Variants in OPA1 observed in about 807,000 individuals in gnomAD.
OPA1 encodes OPA1 mitochondrial dynamin like GTPase.
OPA1 carries 59 observed loss-of-function variants against 152.9 expected under a neutral mutation model. The observed-to-expected ratio is 0.39, with a 90% CI of 0.31 to 0.48. The LOEUF (loss-of-function observed/expected upper bound fraction) is 0.48. Ranked by LOEUF, OPA1 falls within the 20% of genes least tolerant of loss-of-function variation. OPA1 has a pLI of 0.96. For synonymous variants in OPA1, 400 were observed against 389.9 expected (o/e 1.03, Z -0.31); for missense variants, 1,008 against 1,216.8 (o/e 0.83, Z 2.55).
In OPA1 at chr3:193,600,019, A is replaced by G. The variant is rs781444346; in HGVS notation, c.32+6610A>G. On this transcript the variant is annotated intron_variant, in intron 1 of 30. Coordinates refer to ENST00000361510, the MANE Select transcript of OPA1 (RefSeq NM_130837.3). ...GAAGTATGGCCGCTGGGATTGGCCA[A>G]CACTCAGCTGTTATTACAGATGCAT... Among the ~76,000 whole-genome samples the G allele has an allele frequency of 6.8e-4, 103 of 152,234 alleles. 3 individuals are homozygous for G. Among genetic ancestry groups the G allele is most frequent in the Non-Finnish European group, 2.6e-4 (18 of 68,046 alleles).
At chr3:193,664,721 T>G (rs1716119869) in intron 26 of OPA1, among the ~76,000 whole-genome samples, 159 bp from the exon 27 acceptor site, 1 of 152,100 alleles carries the variant, frequency 6.6e-6, no homozygotes, top group Admixed American at 6.5e-5. Flanking sequence ...TTAAAAAAAG[T>G]AAGTGAATAA....
intron 25 of OPA1, among the ~76,000 whole-genome samples, chr3:193,661,140 T>G (rs775851099): frequency 2.0e-5 from 3 of 152,174 alleles, no homozygotes; most frequent in Non-Finnish European, 4.4e-5. Context: ...GGGAATCCCT[T>G]CAAGAGAAAG....
At chr3:193,626,373 T>C (rs1731149322) in intron 7 of OPA1, among the ~76,000 whole-genome samples, 171 bp downstream of exon 7, 1 of 152,176 alleles carries the variant, frequency 6.6e-6, no homozygotes, top group Non-Finnish European at 1.5e-5. Flanking sequence ...GAGTGGGTAG[T>C]ATAGGTAAAG....
intron 29 of OPA1, among the ~76,000 whole-genome samples, chr3:193,671,969 G>T (rs528505005): frequency 3.3e-5 from 5 of 152,242 alleles, no homozygotes; most frequent in Admixed American, 1.3e-4. Context: ...GAATTGTCTG[G>T]TGTTAAAATA....
intron 27 of OPA1, among the ~76,000 whole-genome samples, chr3:193,665,871 T>A (rs995146721): frequency 1.3e-5 from 2 of 152,190 alleles, no homozygotes; most frequent in Non-Finnish European, 2.9e-5. Context: ...TACATCACTT[T>A]ATTTTCACAC....
At chr3:193,656,332 G>A (rs1022737670) in intron 22 of OPA1, among the ~76,000 whole-genome samples, 4 of 152,120 alleles carry the variant, frequency 2.6e-5, no homozygotes, top group East Asian at 1.9e-4. Flanking sequence ...CACTCACTCC[G>A]TATTTTTGGA....
chr3:193,657,290 G>A, intron 23 of OPA1, 58 bp downstream of exon 23: 1 of 1,538,534 alleles, frequency 6.5e-7, no homozygotes, highest in Non-Finnish European at 9.0e-7. Context: ...TTCTCAAATT[G>A]ATACTTTTTC....
chr3:193,667,402 G>A, intron 29 of OPA1, 122 bp downstream of exon 29: 1 of 718,470 alleles, frequency 1.4e-6, no homozygotes, highest in Non-Finnish European at 2.6e-6. Flanking sequence ...TGAGCACGGT[G>A]GCTCACGCTT....
At chr3:193,669,764 T>C (rs1243335827) in intron 29 of OPA1, among the ~76,000 whole-genome samples, 1 of 152,178 alleles carries the variant, frequency 6.6e-6, no homozygotes, top group Non-Finnish European at 1.5e-5. Flanking sequence ...TTCTTATGTT[T>C]TTAGTAGAGG....
At chr3:193,651,934 T>A (rs551684463) in intron 21 of OPA1, among the ~76,000 whole-genome samples, 2 of 152,168 alleles carry the variant, frequency 1.3e-5, no homozygotes, top group Non-Finnish European at 2.9e-5. Context: ...TTAAAAAGAA[T>A]TTAATTAAAG....
intron 29 of OPA1, among the ~76,000 whole-genome samples, chr3:193,667,691 A>AT (rs397875453): frequency 2.0e-5 from 3 of 149,826 alleles, no homozygotes; most frequent in Admixed American, 6.6e-5. Flanking sequence ...AAAAAAAAAA[A>AT]GTTACAAGGA....
chr3:193,612,301 C>A (rs962199237), intron 1 of OPA1, among the ~76,000 whole-genome samples: 8 of 123,056 alleles, frequency 6.5e-5, no homozygotes, highest in South Asian at 2.5e-4. Flanking sequence ...AAATCATCTT[C>A]AGGGTGAAAG....
intron 6 of OPA1, among the ~76,000 whole-genome samples, chr3:193,623,600 C>A (rs1363062954): frequency 6.6e-6 from 1 of 152,136 alleles, no homozygotes; most frequent in African/African-American, 2.4e-5. Flanking sequence ...GAGACTATAT[C>A]ATCTGTGATT....
chr3:193,645,496 C>G, intron 16 of OPA1, 57 bp from the exon 17 acceptor site: 1 of 1,349,646 alleles, frequency 7.4e-7, no homozygotes, highest in South Asian at 1.2e-5. Context: ...GTATATTACG[C>G]TTTTAAAACT....
chr3:193,634,659 C>A (rs762800910), intron 8 of OPA1, among the ~76,000 whole-genome samples: 7 of 152,148 alleles, frequency 4.6e-5, no homozygotes, highest in Non-Finnish European at 5.9e-5. Flanking sequence ...CCGTCTGCCT[C>A]GGCCTCCCAA....
chr3:193,684,652 T>C (rs928652975), intron 29 of OPA1, among the ~76,000 whole-genome samples: 3 of 151,974 alleles, frequency 2.0e-5, no homozygotes, highest in Admixed American at 6.6e-5. Context: ...GTTTTCGCCA[T>C]GTTGGCCAGG....
chr3:193,603,735 A>T (rs547158699), intron 1 of OPA1, among the ~76,000 whole-genome samples: 1 of 152,266 alleles, frequency 6.6e-6, no homozygotes, highest in East Asian at 1.9e-4. Flanking sequence ...CTATTAACTC[A>T]TTTTGGGTGG....
Position 193,645,545 on chromosome 3 carries a change from A to G in OPA1, c.1609-8A>G. On this transcript the variant is annotated splice_polypyrimidine_tract_variant and splice_region_variant and intron_variant, in intron 16 of 30. Coordinates refer to ENST00000361510, the MANE Select transcript of OPA1 (RefSeq NM_130837.3). ...TCTCACATTAATTTTTCCCACTTTT[A>G]AAAATAGATTCAGCAGATAATTGAA... 2 of 1,608,342 alleles carry G rather than the reference A, an allele frequency of 1.2e-6. No homozygotes were observed. Among genetic ancestry groups the G allele is most frequent in the Non-Finnish European group, 1.7e-6 (2 of 1,175,606 alleles).
chr3:193,651,738 T>C (rs1712508015), intron 21 of OPA1, among the ~76,000 whole-genome samples: 1 of 152,128 alleles, frequency 6.6e-6, no homozygotes, highest in Non-Finnish European at 1.5e-5. Context: ...GTATGTATAA[T>C]TATGAACCAC....
Sources: allele counts gnomAD v4.1 joint callset (sites outside exome capture counted in the v4.1 genomes callset), GRCh38; gene constraint gnomAD v4.1.1; transcripts MANE v1.5; gene names NCBI Gene and HGNC (gene_info 2026-07-23, HGNC 2026-07-21).